OPCML: variants seen among roughly 807,000 people sequenced by gnomAD.
The protein encoded by OPCML is opioid-binding protein/cell adhesion molecule.
OPCML carries 13 observed loss-of-function variants against 37.8 expected under a neutral mutation model. The observed-to-expected ratio is 0.34, with a 90% CI of 0.22 to 0.55. The LOEUF (loss-of-function observed/expected upper bound fraction) is 0.55. Ranked by LOEUF, OPCML falls within the 20% of genes least tolerant of loss-of-function variation. The pLI, the probability that OPCML is intolerant of heterozygous loss-of-function variation, is 0.91. For missense variants in OPCML, 341 were observed against 435.6 expected, an observed-to-expected ratio of 0.78 and a Z score of 1.93; for synonymous variants, 176 against 168.8, an observed-to-expected ratio of 1.04 and a Z score of -0.33.
intron 1 of OPCML, among the ~76,000 whole-genome samples, chr11:132,994,649 C>A (rs1229097620): frequency 6.6e-6 from 1 of 152,200 alleles, no homozygotes; most frequent in Non-Finnish European, 1.5e-5. Context: ...GACTTCAACT[C>A]TGCCTTCTGC....
Position 133,271,469 on chromosome 11 carries a change from G to A in OPCML, c.61+260795C>T, listed in dbSNP as rs116553722. On this transcript the variant is annotated intron_variant, in intron 1 of 7. Transcript: ENST00000524381. ...ATCAACAATTTCAGTAGAATTAAAT[G>A]GTAGGAAGAGAGGATATCATCATAG... 2.0e-3 allele frequency among the ~76,000 whole-genome samples: 311 copies of A among 152,248 alleles called. 1 individual carries two copies. The highest frequency in any genetic ancestry group is 6.8e-3 in the African/African-American group (284 of 41,530).
At chr11:133,140,740 G>A (rs1374219987) in intron 1 of OPCML, among the ~76,000 whole-genome samples, 3 of 141,208 alleles carry the variant, frequency 2.1e-5, no homozygotes, top group African/African-American at 7.6e-5. Flanking sequence ...CGACGACGAC[G>A]ACGACGAGGA....
intron 7 of OPCML, among the ~76,000 whole-genome samples, chr11:132,426,066 G>C (rs905134430): frequency 1.3e-5 from 2 of 152,130 alleles, no homozygotes; most frequent in Non-Finnish European, 2.9e-5. Flanking sequence ...GCTTCTTCAT[G>C]CCTGAAGTTA....
intron 1 of OPCML, among the ~76,000 whole-genome samples, chr11:133,462,004 G>C (rs1565647766): frequency 1.3e-5 from 2 of 151,826 alleles, no homozygotes; most frequent in African/African-American, 4.8e-5. Context: ...TTTTAAACAA[G>C]AGTGTCATGA....
chr11:133,091,953 G>C (rs1400127964), intron 1 of OPCML, among the ~76,000 whole-genome samples: 2 of 152,150 alleles, frequency 1.3e-5, no homozygotes, highest in Non-Finnish European at 2.9e-5. Flanking sequence ...TTTATAGTCT[G>C]AATATCTTCC....
At chr11:132,922,955 T>G (rs746432859) in intron 2 of OPCML, among the ~76,000 whole-genome samples, 1 of 151,912 alleles carries the variant, frequency 6.6e-6, no homozygotes, top group Non-Finnish European at 1.5e-5. Flanking sequence ...TGGTGGTGCA[T>G]GCCAGCTCCT....
intron 4 of OPCML, among the ~76,000 whole-genome samples, chr11:132,478,156 T>C (rs2096163965): frequency 6.6e-6 from 1 of 152,174 alleles, no homozygotes; most frequent in African/African-American, 2.4e-5. Flanking sequence ...TAATACAGTA[T>C]ATAATAAATT....
At chr11:133,078,006 G>C (rs570646675) in intron 1 of OPCML, among the ~76,000 whole-genome samples, 1 of 152,302 alleles carries the variant, frequency 6.6e-6, no homozygotes, top group African/African-American at 2.4e-5. Flanking sequence ...GAGGAATCTG[G>C]TAACTCTTAG....
At chr11:133,521,421 A>C (rs2120701981) in intron 1 of OPCML, among the ~76,000 whole-genome samples, 1 of 152,352 alleles carries the variant, frequency 6.6e-6, no homozygotes, top group East Asian at 1.9e-4. Flanking sequence ...AAAGAAGAAA[A>C]GAAACAGTCA....
intron 2 of OPCML, among the ~76,000 whole-genome samples, chr11:132,746,761 C>G (rs535589433): frequency 2.6e-5 from 4 of 152,154 alleles, no homozygotes; most frequent in Non-Finnish European, 5.9e-5. Flanking sequence ...TTTTGACTCC[C>G]GGGTAGGTAT....
intron 2 of OPCML, among the ~76,000 whole-genome samples, chr11:132,755,612 G>A (rs1946011936): frequency 6.6e-6 from 1 of 152,074 alleles, no homozygotes; most frequent in Non-Finnish European, 1.5e-5. Flanking sequence ...TAATTTGTGT[G>A]GTTCATGGAT....
At chr11:132,819,131 T>G (rs1490303423) in intron 2 of OPCML, among the ~76,000 whole-genome samples, 1 of 151,922 alleles carries the variant, frequency 6.6e-6, no homozygotes, top group Non-Finnish European at 1.5e-5. Context: ...TGCCAGAAAT[T>G]TTGTGCATAC....
At chr11:132,461,024 G>A (rs1175485397) in intron 4 of OPCML, among the ~76,000 whole-genome samples, 1 of 152,148 alleles carries the variant, frequency 6.6e-6, no homozygotes, top group South Asian at 2.1e-4. Context: ...TGGGCAGTAG[G>A]GCTGAGTGAG....
intron 1 of OPCML, among the ~76,000 whole-genome samples, chr11:133,131,659 T>C (rs117737594): frequency 1.3e-5 from 2 of 152,304 alleles, no homozygotes; most frequent in South Asian, 2.1e-4. Context: ...ATAACACCCT[T>C]AGGTATTTAC....
intron 1 of OPCML, among the ~76,000 whole-genome samples, chr11:133,150,296 T>C (rs1949959449): frequency 6.6e-6 from 1 of 152,202 alleles, no homozygotes; most frequent in Non-Finnish European, 1.5e-5. Context: ...ATGGATGGTC[T>C]CACCCTTTCC....
intron 1 of OPCML, among the ~76,000 whole-genome samples, chr11:133,267,267 A>G (rs1178994445): frequency 2.0e-5 from 3 of 152,164 alleles, no homozygotes; most frequent in African/African-American, 7.2e-5. Context: ...AGTTGTACAG[A>G]TTAACATTAT....
At chr11:132,648,728 C>A (rs1941280588) in intron 3 of OPCML, among the ~76,000 whole-genome samples, 1 of 152,142 alleles carries the variant, frequency 6.6e-6, no homozygotes, top group Admixed American at 6.5e-5. Context: ...GCAGCCTCTT[C>A]TTGGATCATA....
chr11:133,353,567 G>C (rs564289337), intron 1 of OPCML, among the ~76,000 whole-genome samples: 1 of 152,306 alleles, frequency 6.6e-6, no homozygotes, highest in South Asian at 2.1e-4. Context: ...CACAGAAACA[G>C]ATGATGGGAA....
rs569990801 is a variant in OPCML at position 133,467,323 on chromosome 11, T to C, written c.61+64941A>G. ...GTTGTCATGGGGTTCCTAGGCACCC[T>C]TAGAGCTGTCCCTACTTGGTTTTAC... is the stretch of plus-strand genomic sequence containing the variant. On this transcript the variant is annotated intron_variant, in intron 1 of 7. Coordinates refer to ENST00000524381, the MANE Select transcript of OPCML (RefSeq NM_001012393.5). 9.2e-5 allele frequency among the ~76,000 whole-genome samples: 14 copies of C among 152,308 alleles called. No homozygotes were observed. The East Asian group carries it at 2.7e-3, about 29-fold the overall frequency.
Sources: gnomAD v4.1 joint callset for allele counts (sites outside exome capture counted in the v4.1 genomes callset) on GRCh38, gnomAD v4.1.1 for gene constraint, MANE v1.5 for transcripts, NCBI Gene and HGNC (gene_info 2026-07-23, HGNC 2026-07-21) for gene names.